TFPI: variants seen among roughly 807,000 people sequenced by gnomAD.
The protein encoded by TFPI is anti-convertin.
A neutral mutation model predicts 34.6 loss-of-function variants in TFPI; 15 were observed. That is an observed-to-expected ratio of 0.43 (90% CI 0.29 to 0.67). The LOEUF (loss-of-function observed/expected upper bound fraction) is 0.67. TFPI is among the 30% of genes least tolerant of loss of function. The pLI is 0.15. For synonymous variants in TFPI, 105 were observed against 120.1 expected (o/e 0.87, Z 0.82); for missense variants, 301 against 364.0 (o/e 0.83, Z 1.41).
chr2:187,477,811 C>A (rs985665555), intron 6 of TFPI, among the ~76,000 whole-genome samples: 1 of 152,110 alleles, frequency 6.6e-6, no homozygotes, highest in African/African-American at 2.4e-5. Flanking sequence ...ATTTTTTCCA[C>A]ATAAATGGAA....
intron 6 of TFPI, among the ~76,000 whole-genome samples, chr2:187,480,976 A>T (rs563970641): frequency 6.6e-6 from 1 of 152,242 alleles, no homozygotes; most frequent in African/African-American, 2.4e-5. Flanking sequence ...AAAAATAAAT[A>T]GCAATTTTTA....
At chr2:187,475,542 T>C (rs1256791273) in intron 6 of TFPI, among the ~76,000 whole-genome samples, 1 of 152,158 alleles carries the variant, frequency 6.6e-6, no homozygotes, top group East Asian at 1.9e-4. Flanking sequence ...TGTGCTTTAA[T>C]TGTGTGCTCA....
At chr2:187,553,400 T>G (rs764539151) in intron 1 of TFPI, among the ~76,000 whole-genome samples, 12 of 152,120 alleles carry the variant, frequency 7.9e-5, no homozygotes, top group Non-Finnish European at 1.8e-4. Context: ...CTCTTGGCCC[T>G]TATTTTTGGT....
chr2:187,520,310 G>A (rs1035501188), intron 1 of TFPI, among the ~76,000 whole-genome samples: 1 of 152,142 alleles, frequency 6.6e-6, no homozygotes, highest in African/African-American at 2.4e-5. Flanking sequence ...TCTGTGGGTT[G>A]TGAAGACCAT....
At chr2:187,495,669 G>T (rs553016610) in intron 3 of TFPI, among the ~76,000 whole-genome samples, 8 of 152,106 alleles carry the variant, frequency 5.3e-5, no homozygotes, top group Non-Finnish European at 8.8e-5. Context: ...TTTCCCACAG[G>T]CCAAGAGCAC....
rs2106033456 is a variant in TFPI, at chr2:187,488,332, T to C, written c.358+5A>G. On this transcript the variant is annotated splice_donor_5th_base_variant and intron_variant, in intron 4 of 7. Coordinates refer to ENST00000233156, the MANE Select transcript of TFPI (RefSeq NM_006287.6). ...CTTCAAATTTACAGACAAATAAATG[T>C]TCACCTTGTTGCAATGTTGTCTTTA... 1 of 1,563,862 alleles carries C rather than the reference T, an allele frequency of 6.4e-7. No homozygotes were observed. The highest frequency in any genetic ancestry group is 2.4e-5 in the East Asian group (1 of 42,412).
intron 1 of TFPI, among the ~76,000 whole-genome samples, chr2:187,526,393 C>T (rs1398614651): frequency 6.6e-6 from 1 of 151,768 alleles, no homozygotes; most frequent in Non-Finnish European, 1.5e-5. Flanking sequence ...GGCAATTTGG[C>T]TTTGGTGGCC....
chr2:187,539,481 C>T (rs1227207132), intron 1 of TFPI, among the ~76,000 whole-genome samples: 1 of 152,122 alleles, frequency 6.6e-6, no homozygotes, highest in East Asian at 1.9e-4. Context: ...ATTCAGTTTT[C>T]CATTTGTTAA....
intron 1 of TFPI, among the ~76,000 whole-genome samples, chr2:187,508,881 A>G (rs188199295): frequency 6.6e-6 from 1 of 152,220 alleles, no homozygotes; most frequent in African/African-American, 2.4e-5. Context: ...ACTGGCTTTC[A>G]AAGGGAATGC....
At chr2:187,476,710 A>G (rs1692400511) in intron 6 of TFPI, among the ~76,000 whole-genome samples, 1 of 152,218 alleles carries the variant, frequency 6.6e-6, no homozygotes, top group Admixed American at 6.5e-5. Context: ...GAAAAAAGGT[A>G]GAGAATTACA....
intron 1 of TFPI, among the ~76,000 whole-genome samples, chr2:187,532,684 G>GT (rs1175562687): frequency 7.7e-4 from 115 of 150,212 alleles, no homozygotes; most frequent in Middle Eastern, 6.9e-3. Flanking sequence ...AGCTGCGGGA[G>GT]TTTTTTTTTT....
intron 1 of TFPI, among the ~76,000 whole-genome samples, chr2:187,522,084 A>G (rs538340756): frequency 6.6e-6 from 1 of 152,196 alleles, no homozygotes; most frequent in East Asian, 1.9e-4. Flanking sequence ...AATTTCTGCT[A>G]TTGAGTTGAA....
chr2:187,484,311 T>C, intron 5 of TFPI, 95 bp from the exon 6 acceptor site: 1 of 976,418 alleles, frequency 1.0e-6, no homozygotes, highest in African/African-American at 1.7e-5. Context: ...AGCAGACTTC[T>C]GGCAATTTCA....
At position 187,467,775 on chromosome 2, in the gene TFPI, T is replaced by A. The variant is rs768325780; in HGVS notation, c.786A>T (p.Glu262Asp). 1.4e-5 allele frequency: 22 copies of A among 1,610,560 alleles called. No individual in the cohort carries two copies. Among genetic ancestry groups the A allele is most frequent in the Admixed American group, 8.4e-5 (5 of 59,388 alleles). ...TACCTTTTTTACATGCCCTCAGACA[T>A]TCTTGTTTGGAAGTAAAATTGTTTT... Reference protein sequence around the residue: ...GNENNFTSKQECLRACKKGFI... With the variant: ...GNENNFTSKQDCLRACKKGFI... The change falls in exon 7 of 8, where the codon GAA becomes GAT. Residue 262 changes from glutamate to aspartate, a missense_variant. Coordinates refer to ENST00000233156, the MANE Select transcript of TFPI (RefSeq NM_006287.6).
intron 1 of TFPI, among the ~76,000 whole-genome samples, chr2:187,505,215 T>C (rs1027863535): frequency 2.6e-5 from 4 of 152,106 alleles, no homozygotes; most frequent in Non-Finnish European, 4.4e-5. Flanking sequence ...GAGTGTACTC[T>C]GCATCACACA....
At chr2:187,518,389 T>C (rs1687149880) in intron 1 of TFPI, 2 of 152,218 alleles carry the variant, frequency 1.3e-5, no homozygotes, top group East Asian at 3.8e-4. Context: ...TATTTCTCTT[T>C]CCCTTATGAA....
chr2:187,467,139 CA>C lies in TFPI; in HGVS notation c.809-98del, dbSNP rs1691758812. Reference sequence around the variant, plus strand: ...CAAAGTAACTTTTAATATTTAAATCCAAAAGATGTTATTGATTTAAAAGCCT... The same window carrying C: ...CAAAGTAACTTTTAATATTTAAATCCAAAGATGTTATTGATTTAAAAGCCT... On this transcript the variant is annotated intron_variant, in intron 7 of 7. Transcript: ENST00000233156. The C allele has an allele frequency of 5.1e-6, 4 of 788,668 alleles. No individual in the cohort carries two copies. In the East Asian group the frequency reaches 1.3e-4, roughly 25 times the overall value. The allele number at this position is 788,668 out of a possible 1,614,324, so 48.9% of individuals were successfully genotyped here. A position where few individuals can be genotyped will look rare whatever the true frequency, so the allele number is the denominator to read the frequency against.
intron 1 of TFPI, chr2:187,519,439 A>G (rs1687225955): frequency 1.3e-5 from 2 of 152,962 alleles, no homozygotes; most frequent in Non-Finnish European, 1.5e-5. Context: ...CCTGAGGTCC[A>G]CTCCAGACCC....
At chr2:187,512,261 C>A (rs2106164216) in intron 1 of TFPI, among the ~76,000 whole-genome samples, 1 of 131,164 alleles carries the variant, frequency 7.6e-6, no homozygotes, top group African/African-American at 2.9e-5. Flanking sequence ...CTTACCAGTT[C>A]AGAAGTATCC....
Sources: gnomAD v4.1 joint callset for allele counts (sites outside exome capture counted in the v4.1 genomes callset) on GRCh38, gnomAD v4.1.1 for gene constraint, MANE v1.5 for transcripts, NCBI Gene and HGNC (gene_info 2026-07-23, HGNC 2026-07-21) for gene names.